Variants in SRPRA observed in about 807,000 individuals in gnomAD.
SRPRA encodes the protein signal recognition particle receptor subunit alpha.
SRPRA carries 30 observed loss-of-function variants against 61.1 expected under a neutral mutation model. The ratio of observed to expected loss-of-function variants is 0.49; its 90% confidence interval spans 0.37 to 0.67. SRPRA has a LOEUF of 0.67. Ranked by LOEUF, SRPRA falls within the 30% of genes least tolerant of loss-of-function variation. The probability of loss-of-function intolerance (pLI) is 0.00; values close to 1 mark genes in which losing one functional copy is unlikely to be tolerated. For missense variants in SRPRA, 759 were observed against 828.4 expected, an observed-to-expected ratio of 0.92 and a Z score of 1.03; for synonymous variants, 324 against 299.7, an observed-to-expected ratio of 1.08 and a Z score of -0.84.
chr11:126,255,796 T>TTC, the SRPRA span, among the ~76,000 whole-genome samples: 1 of 150,294 alleles, frequency 6.7e-6, no homozygotes, highest in East Asian at 2.0e-4. This position sits in a 1 kb window ranked among gnomAD's most constrained non-coding sequence, Gnocchi z 4.6. Context: ...CTACTAAAAA[T>TTC]AGGAAAATTA....
Position 126,264,660 on chromosome 11 carries a change from C to A in SRPRA, c.1526-121G>T. 8.0e-7 allele frequency: 1 copy of A among 1,250,440 alleles called. No individual in the cohort carries two copies. The highest frequency in any genetic ancestry group is 1.1e-6 in the Non-Finnish European group (1 of 918,462). 77.5% of individuals were successfully genotyped at this position (1,250,440 alleles called of 1,614,324 possible). A position where few individuals can be genotyped will look rare whatever the true frequency, so the allele number is the denominator to read the frequency against. The stretch of plus-strand genomic sequence containing the variant: ...ACTGTCTTGGGCTCTGGATTTGGTT[C>A]CAAGGTAATGTGAGAAAAACTTGAT... On this transcript the variant is annotated intron_variant, in intron 11 of 13. Coordinates refer to ENST00000332118, the MANE Select transcript of SRPRA (RefSeq NM_003139.4). This position sits in a 1 kb window ranked among gnomAD's most constrained non-coding sequence, Gnocchi z 5.0.
At chr11:126,258,851 G>T (rs1407392956), downstream of SRPRA, among the ~76,000 whole-genome samples, 1 of 152,198 alleles carries the variant, frequency 6.6e-6, no homozygotes, top group Admixed American at 6.5e-5. Flanking sequence ...AAATAAATAT[G>T]TCTTTAGACT....
the SRPRA span, among the ~76,000 whole-genome samples, chr11:126,244,549 GTC>G: frequency 2.6e-5 from 4 of 152,230 alleles, no homozygotes; most frequent in African/African-American, 9.6e-5. This position sits in a 1 kb window ranked among gnomAD's most constrained non-coding sequence, Gnocchi z 4.5. Flanking sequence ...CATGCCTGTT[GTC>G]TCAGCGCTTT....
chr11:126,267,734 C>T lies in SRPRA; in HGVS notation c.202-22G>A. ...CAACCTGTTTAGGGGAAGAAACAGC[C>T]AACAGATCTGCTTACATACTAGCCT... On this transcript the variant is annotated intron_variant, in intron 2 of 13. Transcript: ENST00000332118. This position sits in a 1 kb window ranked among gnomAD's most constrained non-coding sequence, Gnocchi z 4.2. 2 of 1,613,576 alleles carry T rather than the reference C, an allele frequency of 1.2e-6. No individual in the cohort carries two copies. The highest frequency in any genetic ancestry group is 8.5e-7 in the Non-Finnish European group (1 of 1,179,806).
At position 126,268,779 on chromosome 11, in the gene SRPRA, G is replaced by C; in HGVS notation, c.26C>G (p.Ser9Cys). Residue 9 changes from serine to cysteine, a missense_variant, in exon 1 of 14, where the codon TCC becomes TGC. Ser to Cys is a moderately radical substitution (Grantham distance 112, BLOSUM62 -1). This residue lies in a region of SRPRA where 475 missense variants were observed against 462.5 expected (regional missense o/e 1.03). Coordinates refer to ENST00000332118, the MANE Select transcript of SRPRA (RefSeq NM_003139.4). MLDFFTIF[S>C]KGGLVLWCFQ... ...GCACCAGAGCACAAGCCCGCCCTTG[G>C]AGAAAATGGTGAAGAAGTCGAGCAT... is the stretch of plus-strand genomic sequence containing the variant. 6.2e-7 allele frequency: 1 copy of C among 1,613,786 alleles called. No homozygotes were observed. Among genetic ancestry groups the C allele is most frequent in the Non-Finnish European group, 8.5e-7 (1 of 1,180,028 alleles).
rs771328002 is a variant in SRPRA at position 126,268,747 on chromosome 11, C to T, written c.58G>A (p.Gly20Ser). Residue 20 changes from glycine to serine, a missense_variant, in exon 1 of 14, where the codon GGC becomes AGC. By Grantham distance (56) the Gly-to-Ser change is moderately conservative. Around this residue, in one of 2 missense-constraint regions of SRPRA, gnomAD observed 475 missense variants for 462.5 expected, o/e 1.03. Transcript: ENST00000332118. ...GGTCCGGTGCATGAGTCGCTAACGC[C>T]CTGGAAGCACCAGAGCACAAGCCCG... ...KGGLVLWCFQ[G>S]VSDSCTGPVN... is the part of the protein sequence containing the mutation. The T allele has an allele frequency of 6.2e-7, 1 of 1,613,856 alleles. No homozygotes were observed. Among genetic ancestry groups the T allele is most frequent in the South Asian group, 1.1e-5 (1 of 91,084 alleles).
At position 126,264,768 on chromosome 11, in the gene SRPRA, A is replaced by C; in HGVS notation, c.1525+191T>G. The stretch of plus-strand genomic sequence containing the variant: ...GACCAAATTCAGGTTTCTCTGGTTA[A>C]GGTATATTAGCTTTGCCTGCAACTA... On this transcript the variant is annotated intron_variant, in intron 11 of 13. Coordinates refer to ENST00000332118, the MANE Select transcript of SRPRA (RefSeq NM_003139.4). This position sits in a 1 kb window ranked among gnomAD's most constrained non-coding sequence, Gnocchi z 5.0. The C allele has an allele frequency of 1.3e-6, 1 of 751,876 alleles. No individual in the cohort carries two copies. The highest frequency in any genetic ancestry group is 2.1e-6 in the Non-Finnish European group (1 of 475,406). 46.6% of individuals were successfully genotyped at this position (751,876 alleles called of 1,614,324 possible). A position where few individuals can be genotyped will look rare whatever the true frequency, so the allele number is the denominator to read the frequency against.
the SRPRA span, among the ~76,000 whole-genome samples, chr11:126,247,614 C>T: frequency 6.6e-6 from 1 of 152,054 alleles, no homozygotes; most frequent in Non-Finnish European, 1.5e-5. Context: ...AATCCCAACA[C>T]TTTGGGAGGC....
In SRPRA at chr11:126,263,701, A is replaced by T; in HGVS notation, c.*215T>A. The T allele has an allele frequency of 3.3e-6, 2 of 608,698 alleles. No individual in the cohort carries two copies. Among genetic ancestry groups the T allele is most frequent in the Non-Finnish European group, 5.6e-6 (2 of 359,258 alleles). 37.7% of individuals were successfully genotyped at this position (608,698 alleles called of 1,614,324 possible). A position where few individuals can be genotyped will look rare whatever the true frequency, so the allele number is the denominator to read the frequency against. On this transcript the variant is annotated 3_prime_UTR_variant, in exon 14 of 14. Transcript: ENST00000332118. The stretch of plus-strand genomic sequence containing the variant: ...TAGGAAGGGGGAGGCCCGCTGGGAG[A>T]GGGTCAGTGGGCAGTGATTGTAACA...
At chr11:126,241,185 G>A in the SRPRA span, 1 of 908,542 alleles carries the variant, frequency 1.1e-6, no homozygotes, top group Non-Finnish European at 1.6e-6. Flanking sequence ...CATAACATTT[G>A]ACTCTTCTGC....
At chr11:126,266,736 TGA>T in intron 5 of SRPRA, 25 bp downstream of exon 5, 1 of 1,612,516 alleles carries the variant, frequency 6.2e-7, no homozygotes, top group African/African-American at 1.3e-5. Context: ...AACAGTATTT[TGA>T]GAGTACTGGA....
chr11:126,245,677 T>G, the SRPRA span, among the ~76,000 whole-genome samples: 1 of 147,564 alleles, frequency 6.8e-6, no homozygotes, highest in Non-Finnish European at 1.5e-5. Flanking sequence ...CTGGGCAACA[T>G]AGTGAGACCC....
chr11:126,250,982 T>G, the SRPRA span, among the ~76,000 whole-genome samples: 1 of 152,236 alleles, frequency 6.6e-6, no homozygotes, highest in Admixed American at 6.5e-5. This position sits in a 1 kb window ranked among gnomAD's most constrained non-coding sequence, Gnocchi z 5.1. Context: ...AAAGCAAGAT[T>G]AGAGGAAGTC....
In SRPRA at chr11:126,268,799, G is replaced by A. The variant is rs887787415; in HGVS notation, c.6C>T (p.Leu2=). M[L]DFFTIFSKGG... is the part of the protein sequence containing the mutation. ...CCTTGGAGAAAATGGTGAAGAAGTC[G>A]AGCATGGCGGCAGCGGCAGAGGAGC... is the stretch of plus-strand genomic sequence containing the variant. Residue 2 remains leucine, a synonymous_variant, in exon 1 of 14, where the codon CTC becomes CTT. Transcript: ENST00000332118. 1.7e-5 allele frequency: 27 copies of A among 1,613,230 alleles called. No individual in the cohort carries two copies. Among genetic ancestry groups the A allele is most frequent in the African/African-American group, 2.7e-5 (2 of 75,064 alleles).
chr11:126,248,937 G>A, the SRPRA span, among the ~76,000 whole-genome samples: 2 of 152,048 alleles, frequency 1.3e-5, no homozygotes, highest in African/African-American at 2.4e-5. Context: ...AATTCCCTTC[G>A]TCCCAAGAGC....
At chr11:126,262,109 T>C, downstream of SRPRA, 3 of 1,614,092 alleles carry the variant, frequency 1.9e-6, no homozygotes, top group Non-Finnish European at 2.5e-6. Flanking sequence ...CTCTTTTCTT[T>C]CTCCCTACAG....
the SRPRA span, chr11:126,256,683 C>T: frequency 6.2e-7 from 1 of 1,614,182 alleles, no homozygotes; most frequent in Non-Finnish European, 8.5e-7. This position sits in a 1 kb window ranked among gnomAD's most constrained non-coding sequence, Gnocchi z 6.6. Context: ...ATAAATCTGA[C>T]CTAGAACATT....
At chr11:126,262,231 A>G, downstream of SRPRA, 5 of 1,354,968 alleles carry the variant, frequency 3.7e-6, no homozygotes, top group Non-Finnish European at 4.2e-6. Flanking sequence ...CACAATTCCC[A>G]GAAAGTAACA....
chr11:126,266,813 C>T lies in SRPRA; in HGVS notation c.636G>A (p.Arg212=), dbSNP rs1220526104. ...GCTTCTGAATGAACTCCTCGCGCTTCCTGCGGATCAGCTCCTCTTTGGAAA... is the reference window on the plus strand; with the variant it reads ...GCTTCTGAATGAACTCCTCGCGCTTTCTGCGGATCAGCTCCTCTTTGGAAA... ...VELSKEELIR[R]KREEFIQKHG... Residue 212 remains arginine (R), a synonymous_variant, in exon 5 of 14, where the codon AGG becomes AGA. Coordinates refer to ENST00000332118, the MANE Select transcript of SRPRA (RefSeq NM_003139.4). 1.2e-6 allele frequency: 2 copies of T among 1,614,072 alleles called. No homozygotes were observed. Among genetic ancestry groups the T allele is most frequent in the African/African-American group, 2.7e-5 (2 of 74,918 alleles).
Sources: allele counts gnomAD v4.1 joint callset (sites outside exome capture counted in the v4.1 genomes callset), GRCh38; gene constraint gnomAD v4.1.1; regional missense constraint gnomAD v4.1.1; non-coding constraint Gnocchi (gnomAD v3.1); transcripts MANE v1.5; gene names NCBI Gene and HGNC (gene_info 2026-07-23, HGNC 2026-07-21).